SETD5: variants seen among roughly 807,000 people sequenced by gnomAD.
The protein encoded by SETD5 is histone-lysine N-methyltransferase SETD5.
SETD5 carries 44 observed loss-of-function variants against 153.3 expected under a neutral mutation model. The observed-to-expected ratio is 0.29, with a 90% CI of 0.23 to 0.37. The LOEUF is 0.37. SETD5 is among the 10% of genes least tolerant of loss of function. The pLI is 1.00. For missense variants in SETD5, 1,544 were observed against 1,768.0 expected (o/e 0.87, Z 2.27); for synonymous variants, 716 against 645.2 (o/e 1.11, Z -1.66).
chr3:9,470,771 C>T lies in SETD5; in HGVS notation c.3037C>T (p.His1013Tyr). The T allele has an allele frequency of 1.2e-6, 2 of 1,613,888 alleles. No individual in the cohort carries two copies. Among genetic ancestry groups the T allele is most frequent in the Non-Finnish European group, 1.7e-6 (2 of 1,179,856 alleles). ...TCTAGTGGGGGATAGGAAGCCTTTA[C>T]ATTTGGATGGGGGATATTGTTCCCC... The part of the protein sequence containing the change: ...SPLVGDRKPL[H>Y]LDGGYCSPAE... The change falls in exon 19 of 23, where the codon CAT (histidine) becomes TAT (tyrosine). Residue 1013 changes from histidine (H) to tyrosine (Y), a missense_variant. This residue lies in a region of SETD5 where 782 missense variants were observed against 787.2 expected (regional missense o/e 0.99). Coordinates refer to ENST00000402198, the MANE Select transcript of SETD5 (RefSeq NM_001080517.3).
At chr3:9,431,515 TGTAA>T (rs2039961227) in intron 3 of SETD5, 3 of 974,468 alleles carry the variant, frequency 3.1e-6, no homozygotes, top group Admixed American at 6.2e-5. Context: ...TGTAGTTACC[TGTAA>T]GTGTCTAACT....
rs763519512 is a variant in SETD5, at chr3:9,448,021, C to T, written c.2103+15C>T. 5.0e-6 allele frequency: 8 copies of T among 1,605,278 alleles called. No individual in the cohort carries two copies. The highest frequency in any genetic ancestry group is 1.1e-5 in the South Asian group (1 of 90,024). On this transcript the variant is annotated intron_variant, in intron 15 of 22. Transcript: ENST00000402198. Reference sequence around the variant, plus strand: ...AAACCAAAAAGGTAAGTCACAAATGCATCCTTTATAAGTCCAGTCTGGCAA... The same window carrying T: ...AAACCAAAAAGGTAAGTCACAAATGTATCCTTTATAAGTCCAGTCTGGCAA...
intron 18 of SETD5, among the ~76,000 whole-genome samples, chr3:9,465,432 T>C (rs145773957): frequency 6.6e-6 from 1 of 152,248 alleles, no homozygotes; most frequent in African/African-American, 2.4e-5. Flanking sequence ...TGCATGTTAC[T>C]TTGATTTGTA....
intron 1 of SETD5, among the ~76,000 whole-genome samples, chr3:9,413,801 G>A (rs889331874): frequency 4.0e-5 from 6 of 151,658 alleles, no homozygotes; most frequent in East Asian, 3.9e-4. Context: ...TTTTTGAGAC[G>A]GAGTCTGGCT....
Position 9,475,473 on chromosome 3 carries a change from CT to C in SETD5, c.3721-7del. 6.3e-7 allele frequency: 1 copy of C among 1,599,208 alleles called. No individual in the cohort carries two copies. Among genetic ancestry groups the C allele is most frequent in the Non-Finnish European group, 8.6e-7 (1 of 1,169,208 alleles). ...CGCGTCCTTATTCGTTTCCTCCCAA[CT>C]TTGTCTAGCTCCTGCAGTGTGATAG... On this transcript the variant is annotated splice_polypyrimidine_tract_variant and intron_variant, in intron 22 of 22. Transcript: ENST00000402198.
At chr3:9,470,406 G>T (rs1326850305) in intron 18 of SETD5, 53 bp from the exon 19 acceptor site, 2 of 1,422,256 alleles carry the variant, frequency 1.4e-6, no homozygotes, top group South Asian at 1.3e-5. Flanking sequence ...TCTGCCCTTT[G>T]ACTTTTTCCT....
intron 17 of SETD5, among the ~76,000 whole-genome samples, chr3:9,455,728 G>T (rs191923714): frequency 6.6e-6 from 1 of 152,202 alleles, no homozygotes; most frequent in East Asian, 1.9e-4. Context: ...TGGTGTGTGT[G>T]TTAATGCATG....
At chr3:9,431,293 T>G in intron 3 of SETD5, 1 of 985,428 alleles carries the variant, frequency 1.0e-6, no homozygotes, top group Non-Finnish European at 1.2e-6. Flanking sequence ...GGGTTGCATG[T>G]TGTACTTAGA....
intron 17 of SETD5, among the ~76,000 whole-genome samples, chr3:9,462,451 G>A (rs1488135344): frequency 6.6e-6 from 1 of 151,182 alleles, no homozygotes; most frequent in Admixed American, 6.6e-5. Context: ...GCCGGGTGTG[G>A]TAGCGAGCAC....
At chr3:9,427,028 C>A (rs2039354700) in intron 2 of SETD5, among the ~76,000 whole-genome samples, 1 of 152,154 alleles carries the variant, frequency 6.6e-6, no homozygotes, top group Non-Finnish European at 1.5e-5. Context: ...ACCACAGGCA[C>A]ACATCACCAT....
Position 9,477,726 on chromosome 3 carries a change from C to G in SETD5, c.*1635C>G, listed in dbSNP as rs1309906363. 1.4e-5 allele frequency: 2 copies of G among 139,910 alleles called. No homozygotes were observed. The highest frequency in any genetic ancestry group is 3.1e-5 in the Non-Finnish European group (2 of 64,954). The allele number at this position is 139,910 out of a possible 1,614,324, so 8.7% of individuals were successfully genotyped here. A position where few individuals can be genotyped will look rare whatever the true frequency, so the allele number is the denominator to read the frequency against. On this transcript the variant is annotated 3_prime_UTR_variant, in exon 23 of 23. Coordinates refer to ENST00000402198, the MANE Select transcript of SETD5 (RefSeq NM_001080517.3). ...TAAATGCTGAGACCTCAGCAGAGTA[C>G]TTTTCTTTTTGTTGTTTCCCCCACA...
intron 19 of SETD5, among the ~76,000 whole-genome samples, chr3:9,471,600 A>G (rs542177495): frequency 4.6e-4 from 70 of 152,332 alleles, no homozygotes; most frequent in African/African-American, 1.6e-3. Context: ...AGGAAAGTGC[A>G]GAGAGTGCTG....
intron 1 of SETD5, among the ~76,000 whole-genome samples, chr3:9,418,771 CCAGCCTGAGCAA>C (rs1316934589): frequency 6.6e-6 from 1 of 151,304 alleles, no homozygotes; most frequent in Non-Finnish European, 1.5e-5. Context: ...CCATTGCACT[CCAGCCTGAGCAA>C]CAAGAGCGAA....
chr3:9,407,884 C>T (rs1336101418), intron 1 of SETD5, among the ~76,000 whole-genome samples: 1 of 152,020 alleles, frequency 6.6e-6, no homozygotes, highest in African/African-American at 2.4e-5. Flanking sequence ...CCTATAATCC[C>T]AGCTACTCGG....
At chr3:9,428,056 A>T (rs2039521792) in intron 2 of SETD5, among the ~76,000 whole-genome samples, 1 of 152,144 alleles carries the variant, frequency 6.6e-6, no homozygotes, top group South Asian at 2.1e-4. Context: ...TTTAAAAAGT[A>T]GTCAACTTTT....
chr3:9,402,009 T>A (rs1179815423), intron 1 of SETD5, among the ~76,000 whole-genome samples: 1 of 152,196 alleles, frequency 6.6e-6, no homozygotes, highest in East Asian at 1.9e-4. Context: ...TTGGTACCAT[T>A]CCTTACTGCC....
chr3:9,416,874 A>G (rs2037548163), intron 1 of SETD5, among the ~76,000 whole-genome samples: 1 of 152,176 alleles, frequency 6.6e-6, no homozygotes, highest in South Asian at 2.1e-4. Flanking sequence ...TTGTTGATTA[A>G]AGCTGGGTAG....
intron 3 of SETD5, 192 bp from the exon 4 acceptor site, chr3:9,433,653 C>T: frequency 2.8e-5 from 25 of 885,730 alleles, no homozygotes; most frequent in Non-Finnish European, 3.9e-5. Context: ...ACACACAAAT[C>T]CACATTTAAT....
In SETD5 at chr3:9,473,266, CAAG is replaced by C; in HGVS notation, c.3230_3232del (p.Glu1077del). ...CCTGCTGGAGTACCGAAAACGGAAA[CAAG>C]AAGCTAAGGAAAATTCTGCTGGTGG... is the stretch of plus-strand genomic sequence containing the variant. On this transcript the variant is annotated inframe_deletion, in exon 20 of 23. Transcript: ENST00000402198. 6.2e-7 allele frequency: 1 copy of C among 1,613,528 alleles called. No individual in the cohort carries two copies. The highest frequency in any genetic ancestry group is 8.5e-7 in the Non-Finnish European group (1 of 1,179,542).
Sources: allele counts gnomAD v4.1 joint callset (sites outside exome capture counted in the v4.1 genomes callset), GRCh38; gene constraint gnomAD v4.1.1; regional missense constraint gnomAD v4.1.1; transcripts MANE v1.5; gene names NCBI Gene and HGNC (gene_info 2026-07-23, HGNC 2026-07-21).